The following ADK variants were observed in gnomAD, a reference collection of about 807,000 sequenced individuals.
ADK encodes the protein N6,N6-dimethyladenosine kinase.
Under a neutral mutation model 44.7 loss-of-function variants are expected in ADK, and 24 were observed. The observed-to-expected ratio is 0.54, with a 90% confidence interval of 0.39 to 0.76. The LOEUF is 0.76. Among genes scored for constraint, ADK ranks in the 30% least tolerant of loss-of-function variants. ADK has a pLI of 0.00. For missense variants in ADK, 321 were observed against 425.1 expected (o/e 0.76, Z 2.15); for synonymous variants, 128 against 142.6 (o/e 0.90, Z 0.73).
intron 7 of ADK, among the ~76,000 whole-genome samples, chr10:74,533,270 T>G (rs977009250): frequency 6.6e-6 from 1 of 152,004 alleles, no homozygotes; most frequent in Non-Finnish European, 1.5e-5. Context: ...ATTTCAGAAG[T>G]TTTTTTTAAA....
At chr10:74,341,721 C>G (rs1841588983) in intron 4 of ADK, among the ~76,000 whole-genome samples, 1 of 152,002 alleles carries the variant, frequency 6.6e-6, no homozygotes, top group Non-Finnish European at 1.5e-5. Context: ...ATATAAATCC[C>G]TGTTCTTGGT....
At chr10:74,200,615 C>T (rs192267816) in intron 1 of ADK, 149 bp from the exon 2 acceptor site, 53 of 661,748 alleles carry the variant, frequency 8.0e-5, no homozygotes, top group Admixed American at 5.4e-4. Flanking sequence ...AAATGTTCTA[C>T]GTATAATAGG....
At chr10:74,496,553 T>TAC (rs1425782452) in intron 6 of ADK, among the ~76,000 whole-genome samples, 1 of 152,236 alleles carries the variant, frequency 6.6e-6, no homozygotes, top group Non-Finnish European at 1.5e-5. Context: ...ATTAAACTTC[T>TAC]TTTCTTTATA....
intron 6 of ADK, among the ~76,000 whole-genome samples, chr10:74,454,759 A>G (rs1229784684): frequency 6.6e-6 from 1 of 152,214 alleles, no homozygotes; most frequent in African/African-American, 2.4e-5. Flanking sequence ...AGTGTTTTTT[A>G]TATTAGGTTC....
At chr10:74,426,371 C>G (rs886320395) in intron 6 of ADK, among the ~76,000 whole-genome samples, 22 of 152,082 alleles carry the variant, frequency 1.4e-4, no homozygotes, top group African/African-American at 5.3e-4. Context: ...ATGACCAGTT[C>G]TAGAAGATTG....
At chr10:74,618,101 T>G (rs1239457967) in intron 9 of ADK, among the ~76,000 whole-genome samples, 1 of 150,056 alleles carries the variant, frequency 6.7e-6, no homozygotes, top group African/African-American at 2.5e-5. Flanking sequence ...TCTGTGTTCT[T>G]ATATGACTTT....
chr10:74,290,607 A>AG (rs1399023811), intron 3 of ADK, among the ~76,000 whole-genome samples: 2 of 151,826 alleles, frequency 1.3e-5, no homozygotes, highest in African/African-American at 4.8e-5. Context: ...CTAAAGAATG[A>AG]GAAAAAAAAA....
intron 6 of ADK, among the ~76,000 whole-genome samples, chr10:74,502,494 A>G (rs1474738995): frequency 6.6e-6 from 1 of 152,164 alleles, no homozygotes; most frequent in Admixed American, 6.5e-5. Flanking sequence ...CTGGCTTATG[A>G]ACTGCAACCT....
intron 8 of ADK, among the ~76,000 whole-genome samples, chr10:74,593,081 CT>C (rs1487637719): frequency 6.6e-6 from 1 of 151,978 alleles, no homozygotes; most frequent in East Asian, 1.9e-4. Flanking sequence ...CCTTAGGTGA[CT>C]TTTAGGTTCC....
intron 1 of ADK, among the ~76,000 whole-genome samples, chr10:74,188,522 T>G (rs1390601389): frequency 4.0e-5 from 6 of 151,164 alleles, no homozygotes; most frequent in Non-Finnish European, 7.4e-5. Context: ...CTAATTTTTT[T>G]TGTGTGTTTT....
chr10:74,151,351 C>T lies in ADK; in HGVS notation c.65+8C>T. The T allele has an allele frequency of 6.5e-7, 1 of 1,549,530 alleles. No homozygotes were observed. Among genetic ancestry groups the T allele is most frequent in the Non-Finnish European group, 8.7e-7 (1 of 1,146,766 alleles). ...GGCGCCGCAAGCGCTGAGGTGAGCG[C>T]TGCCGGACTTGGGGAGGAGGGTGAC... is the stretch of plus-strand genomic sequence containing the variant. On this transcript the variant is annotated splice_region_variant and intron_variant, in intron 1 of 10. Coordinates refer to ENST00000539909, the MANE Select transcript of ADK (RefSeq NM_006721.4).
At chr10:74,188,343 ATT>A (rs765922880) in intron 1 of ADK, among the ~76,000 whole-genome samples, 436 of 81,336 alleles carry the variant, frequency 5.4e-3, no homozygotes, top group African/African-American at 0.019. Context: ...TGTATTTTTA[ATT>A]TTTTTTTTTT....
intron 3 of ADK, among the ~76,000 whole-genome samples, chr10:74,271,971 T>C (rs1846449524): frequency 6.6e-6 from 1 of 152,106 alleles, no homozygotes. Context: ...GATAGTAAAT[T>C]AATTGCAGGG....
At chr10:74,418,316 T>C (rs1844442937) in intron 6 of ADK, among the ~76,000 whole-genome samples, 1 of 152,130 alleles carries the variant, frequency 6.6e-6, no homozygotes, top group Non-Finnish European at 1.5e-5. Context: ...ACTTCCCAGC[T>C]CAGTAATTAA....
At chr10:74,200,307 A>C (rs1309755444) in intron 1 of ADK, among the ~76,000 whole-genome samples, 1 of 151,492 alleles carries the variant, frequency 6.6e-6, no homozygotes, top group African/African-American at 2.4e-5. Flanking sequence ...AACATGGTGA[A>C]ACCCCATCTC....
At position 74,538,262 on chromosome 10, in the gene ADK, A is replaced by G. The variant is rs77749237; in HGVS notation, c.726+12836A>G. On this transcript the variant is annotated intron_variant, in intron 7 of 10. Coordinates refer to ENST00000539909, the MANE Select transcript of ADK (RefSeq NM_006721.4). ...GAGCGAGACTCCGTCTCACAAAAAAAAAAAAAAAGGTAATGTATTGCTCTG... is the reference window on the plus strand; with the variant it reads ...GAGCGAGACTCCGTCTCACAAAAAAGAAAAAAAAGGTAATGTATTGCTCTG... Among the ~76,000 whole-genome samples, 440 of 152,278 alleles carry G rather than the reference A, an allele frequency of 2.9e-3. 5 individuals are homozygous for G. The highest frequency in any genetic ancestry group is 0.018 in the East Asian group (93 of 5,188).
rs188613069 is a variant in ADK at position 74,656,348 on chromosome 10, G to A, written c.878-13835G>A. ...AGTGTGAAGATGGTACATCCTTGCTGCTGGGGACTTGTCCATGCTATTTGT... is the reference window on the plus strand; with the variant it reads ...AGTGTGAAGATGGTACATCCTTGCTACTGGGGACTTGTCCATGCTATTTGT... On this transcript the variant is annotated intron_variant, in intron 9 of 10. Transcript: ENST00000539909. Among the ~76,000 whole-genome samples the A allele has an allele frequency of 6.6e-3, 1,002 of 152,300 alleles. 12 individuals carry two copies. Among genetic ancestry groups the A allele is most frequent in the African/African-American group, 0.023 (955 of 41,554 alleles).
At chr10:74,220,146 A>G (rs1389885192) in intron 2 of ADK, among the ~76,000 whole-genome samples, 1 of 152,052 alleles carries the variant, frequency 6.6e-6, no homozygotes, top group African/African-American at 2.4e-5. Context: ...GAAAAAAAGA[A>G]AGAAGAATCA....
At chr10:74,172,450 A>G (rs988318644) in intron 1 of ADK, among the ~76,000 whole-genome samples, 2 of 152,066 alleles carry the variant, frequency 1.3e-5, no homozygotes, top group African/African-American at 4.8e-5. Flanking sequence ...GCATTTTGGG[A>G]GGCCGAGGTG....
Sources: gnomAD v4.1 joint callset for allele counts (sites outside exome capture counted in the v4.1 genomes callset) on GRCh38, gnomAD v4.1.1 for gene constraint, MANE v1.5 for transcripts, NCBI Gene and HGNC (gene_info 2026-07-23, HGNC 2026-07-21) for gene names.